The following SPAG16 variants were observed in gnomAD, a reference collection of about 807,000 sequenced individuals.
SPAG16 encodes sperm associated antigen 16.
Under a neutral mutation model 80.4 loss-of-function variants are expected in SPAG16, and 86 were observed. The ratio of observed to expected loss-of-function variants is 1.07; its 90% CI spans 0.90 to 1.28. The LOEUF is 1.28. SPAG16 is among the 50% of genes most tolerant of loss of function. The pLI, the probability that SPAG16 is intolerant of heterozygous loss-of-function variation, is 0.00. For synonymous variants in SPAG16, 294 were observed against 265.9 expected (o/e 1.11, Z -1.03); for missense variants, 870 against 765.3 (o/e 1.14, Z -1.61).
intron 15 of SPAG16, among the ~76,000 whole-genome samples, chr2:214,189,082 A>C (rs777781607): frequency 6.6e-6 from 1 of 152,146 alleles, no homozygotes; most frequent in East Asian, 1.9e-4. Context: ...ATCCATTTGT[A>C]TAAGTATGTT....
In SPAG16 at chr2:213,375,072, G is replaced by A. The variant is rs2066818668; in HGVS notation, c.895G>A (p.Ala299Thr). 1 of 1,609,938 alleles carries A rather than the reference G, an allele frequency of 6.2e-7. No individual in the cohort carries two copies. The part of the protein sequence containing the change: ...EGPTQKGLRE[A>T]REQNKCKTKM... ...TCCTACTCAGAAAGGTCTTCGTGAA[G>A]CCAGGGAACAAAACAAATGTAAAAC... Residue 299 changes from alanine (A) to threonine (T), a missense_variant, in exon 9 of 16, where the codon GCC (alanine) becomes ACC (threonine). Coordinates refer to ENST00000331683, the MANE Select transcript of SPAG16 (RefSeq NM_024532.5).
intron 10 of SPAG16, among the ~76,000 whole-genome samples, chr2:213,786,642 A>G (rs1462335601): frequency 2.6e-5 from 4 of 152,322 alleles, no homozygotes; most frequent in Non-Finnish European, 5.9e-5. Context: ...ATGTAGAGCT[A>G]TGCAAACTGT....
intron 10 of SPAG16, among the ~76,000 whole-genome samples, chr2:213,808,595 C>G (rs1199433047): frequency 6.6e-6 from 1 of 151,944 alleles, no homozygotes; most frequent in East Asian, 1.9e-4. Flanking sequence ...CAGTGGGAAA[C>G]AAAAGAAAGC....
intron 15 of SPAG16, among the ~76,000 whole-genome samples, chr2:214,189,440 G>C (rs1050436300): frequency 6.6e-6 from 1 of 152,052 alleles, no homozygotes; most frequent in Non-Finnish European, 1.5e-5. Flanking sequence ...TCTGCTGCAA[G>C]TAATGTTGAG....
Position 214,167,600 on chromosome 2 carries a change from C to T in SPAG16, c.1720+18334C>T, listed in dbSNP as rs569186482. 5.3e-4 allele frequency among the ~76,000 whole-genome samples: 81 copies of T among 152,188 alleles called. 1 individual carries two copies. The highest frequency in any genetic ancestry group is 1.9e-3 in the African/African-American group (79 of 41,530). ...GTAACATTTAGATCCCTTCTATATG[C>T]CCACAGGAGGCAATATTTTTTTAAA... On this transcript the variant is annotated intron_variant, in intron 15 of 15. Transcript: ENST00000331683.
intron 5 of SPAG16, among the ~76,000 whole-genome samples, chr2:213,329,555 C>T (rs561459429): frequency 1.3e-5 from 2 of 152,270 alleles, no homozygotes; most frequent in South Asian, 2.1e-4. Flanking sequence ...TCAAAGCGTT[C>T]AAGAGGTGAC....
chr2:214,081,947 G>A (rs2051417363), intron 13 of SPAG16, among the ~76,000 whole-genome samples: 1 of 152,134 alleles, frequency 6.6e-6, no homozygotes. Flanking sequence ...ACTCAAGAGA[G>A]CTGGGGCCAC....
intron 14 of SPAG16, among the ~76,000 whole-genome samples, chr2:214,119,599 T>C (rs1342065049): frequency 6.6e-6 from 1 of 152,104 alleles, no homozygotes; most frequent in Non-Finnish European, 1.5e-5. Flanking sequence ...TGCTGGACTT[T>C]TCCATTTTTC....
At chr2:213,499,424 A>G (rs770644702) in intron 10 of SPAG16, among the ~76,000 whole-genome samples, 79 of 152,100 alleles carry the variant, frequency 5.2e-4, no homozygotes, top group Middle Eastern at 3.2e-3. Context: ...ATATCTTGTC[A>G]CTATGAATAG....
chr2:213,930,631 T>C (rs1054796149), intron 12 of SPAG16, among the ~76,000 whole-genome samples: 2 of 152,228 alleles, frequency 1.3e-5, no homozygotes, highest in African/African-American at 4.8e-5. Flanking sequence ...TAGGAAATAG[T>C]ATACTGTATT....
chr2:213,606,244 A>G (rs1167974106), intron 10 of SPAG16, among the ~76,000 whole-genome samples: 1 of 152,232 alleles, frequency 6.6e-6, no homozygotes, highest in Non-Finnish European at 1.5e-5. Context: ...TTTTATGAAT[A>G]AAGCTGATGT....
chr2:213,949,352 A>T (rs937503619), intron 12 of SPAG16, among the ~76,000 whole-genome samples: 4 of 151,792 alleles, frequency 2.6e-5, no homozygotes, highest in South Asian at 4.1e-4. Flanking sequence ...TATTTTTAGT[A>T]GAGATGGCAT....
At chr2:213,913,582 CATGT>C in intron 11 of SPAG16, among the ~76,000 whole-genome samples, 2 of 21,198 alleles carry the variant, frequency 9.4e-5, no homozygotes, top group African/African-American at 1.4e-4. Context: ...TATATATGTA[CATGT>C]ACATATATGT....
intron 10 of SPAG16, among the ~76,000 whole-genome samples, chr2:213,770,095 T>C (rs574465531): frequency 6.6e-6 from 1 of 152,340 alleles, no homozygotes; most frequent in African/African-American, 2.4e-5. Context: ...GTATTTATTT[T>C]ACTGAGTTTT....
chr2:214,168,260 G>A (rs1358490653), intron 15 of SPAG16, among the ~76,000 whole-genome samples: 1 of 151,804 alleles, frequency 6.6e-6, no homozygotes. Context: ...CCAAAGTACT[G>A]GAATTACAGG....
intron 15 of SPAG16, among the ~76,000 whole-genome samples, chr2:214,280,453 A>G (rs941924184): frequency 6.6e-6 from 1 of 152,224 alleles, no homozygotes; most frequent in African/African-American, 2.4e-5. Flanking sequence ...TAGTAACACT[A>G]TCTGCTCTCA....
At chr2:213,787,375 A>G (rs2070408239) in intron 10 of SPAG16, among the ~76,000 whole-genome samples, 1 of 152,150 alleles carries the variant, frequency 6.6e-6, no homozygotes. Flanking sequence ...CTAAGCTACT[A>G]TTTACTGAAT....
At chr2:213,454,933 C>A (rs2071911554) in intron 9 of SPAG16, among the ~76,000 whole-genome samples, 1 of 152,118 alleles carries the variant, frequency 6.6e-6, no homozygotes, top group South Asian at 2.1e-4. Context: ...TAAACTGTAT[C>A]TTTTTATATT....
intron 11 of SPAG16, among the ~76,000 whole-genome samples, chr2:213,903,932 T>A (rs772133010): frequency 1.3e-5 from 2 of 152,192 alleles, no homozygotes; most frequent in African/African-American, 2.4e-5. Flanking sequence ...TGCTAAAACA[T>A]AATAGCCTCT....
Sources: allele counts gnomAD v4.1 joint callset (sites outside exome capture counted in the v4.1 genomes callset), GRCh38; gene constraint gnomAD v4.1.1; transcripts MANE v1.5; gene names NCBI Gene and HGNC (gene_info 2026-07-23, HGNC 2026-07-21).